Variants in TMEM87B observed in about 807,000 individuals in gnomAD.
The protein encoded by TMEM87B is transmembrane protein 87B.
TMEM87B carries 83 observed loss-of-function variants against 80.3 expected under a neutral mutation model. The observed-to-expected ratio is 1.03, with a 90% CI of 0.87 to 1.24. TMEM87B has a LOEUF of 1.24. Among genes scored for constraint, TMEM87B ranks in the 50% most tolerant of loss-of-function variants. TMEM87B has a pLI of 0.00. For missense variants in TMEM87B, 625 were observed against 674.4 expected (o/e 0.93, Z 0.81); for synonymous variants, 219 against 230.5 (o/e 0.95, Z 0.45).
intron 5 of TMEM87B, 129 bp downstream of exon 5, chr2:112,075,091 A>C: frequency 7.3e-7 from 1 of 1,378,442 alleles, no homozygotes. Flanking sequence ...AGGAAAAGGA[A>C]ACATTATTTA....
chr2:112,099,538 A>G (rs995906488), intron 14 of TMEM87B, among the ~76,000 whole-genome samples: 3 of 105,878 alleles, frequency 2.8e-5, no homozygotes, highest in African/African-American at 1.3e-4. Flanking sequence ...ATATATATAT[A>G]TATATATATA....
chr2:112,096,065 C>T (rs1382054383), intron 11 of TMEM87B, among the ~76,000 whole-genome samples: 2 of 151,736 alleles, frequency 1.3e-5, no homozygotes, highest in South Asian at 2.1e-4. Context: ...CCTCAGAGAA[C>T]CCCCTTCCCC....
At position 112,095,024 on chromosome 2, in the gene TMEM87B, C is replaced by T. The variant is rs1215732242; in HGVS notation, c.1105-2020C>T. Among the ~76,000 whole-genome samples, 2 of 151,728 alleles carry T rather than the reference C, an allele frequency of 1.3e-5. 1 individual carries two copies. The highest frequency in any genetic ancestry group is 2.9e-5 in the Non-Finnish European group (2 of 67,944). On this transcript the variant is annotated intron_variant, in intron 11 of 18. Coordinates refer to ENST00000283206, the MANE Select transcript of TMEM87B (RefSeq NM_032824.3). Reference sequence around the variant, plus strand: ...TGATGAACTTAATATAACCAATCCTCTAAGAATCTAATTCTAAAGTCATAG... The same window carrying T: ...TGATGAACTTAATATAACCAATCCTTTAAGAATCTAATTCTAAAGTCATAG...
chr2:112,077,363 C>G (rs1477943599), intron 6 of TMEM87B, 81 bp downstream of exon 6: 4 of 639,252 alleles, frequency 6.3e-6, no homozygotes, highest in Non-Finnish European at 5.3e-6. Context: ...TCAACATTCT[C>G]TGTTTCAAAT....
intron 15 of TMEM87B, among the ~76,000 whole-genome samples, chr2:112,101,363 A>G (rs896333747): frequency 6.6e-5 from 10 of 152,218 alleles, no homozygotes; most frequent in Non-Finnish European, 1.3e-4. Flanking sequence ...AAAAGTAATT[A>G]CTTTGAAAAG....
intron 3 of TMEM87B, among the ~76,000 whole-genome samples, chr2:112,065,464 G>A (rs758303057): frequency 2.6e-5 from 4 of 151,962 alleles, no homozygotes; most frequent in African/African-American, 9.7e-5. Flanking sequence ...TGGGCAACAA[G>A]TGAGACCCTG....
intron 1 of TMEM87B, 59 bp from the exon 2 acceptor site, chr2:112,059,917 TA>T: frequency 6.4e-7 from 1 of 1,567,208 alleles, no homozygotes; most frequent in Non-Finnish European, 8.7e-7. Flanking sequence ...TGTTGTGGGG[TA>T]AAACAGTTGC....
chr2:112,100,727 T>A (rs370317699), intron 15 of TMEM87B, 32 bp downstream of exon 15: 1 of 1,355,532 alleles, frequency 7.4e-7, no homozygotes, highest in Non-Finnish European at 1.0e-6. Flanking sequence ...TAAATGACCA[T>A]TGTACATATT....
chr2:112,107,203 C>G (rs1371254665), intron 16 of TMEM87B, among the ~76,000 whole-genome samples: 7 of 151,832 alleles, frequency 4.6e-5, no homozygotes, highest in African/African-American at 1.7e-4. Context: ...ACTAAAATTA[C>G]AAAAAGTAGG....
chr2:112,100,796 A>G (rs1014767706), intron 15 of TMEM87B, 101 bp downstream of exon 15: 6 of 651,516 alleles, frequency 9.2e-6, no homozygotes, highest in South Asian at 3.5e-5. Context: ...GTTTTTTTCT[A>G]TAAAATATTT....
intron 1 of TMEM87B, among the ~76,000 whole-genome samples, chr2:112,058,289 TGAGCCTGAGGCCA>T (rs1250741743): frequency 6.6e-6 from 1 of 152,174 alleles, no homozygotes; most frequent in African/African-American, 2.4e-5. Flanking sequence ...AGCTTGGCCT[TGAGCCTGAGGCCA>T]GAGGCCTCAA....
At chr2:112,074,060 G>A (rs531542042) in intron 4 of TMEM87B, among the ~76,000 whole-genome samples, 1 of 152,156 alleles carries the variant, frequency 6.6e-6, no homozygotes, top group African/African-American at 2.4e-5. Context: ...TTGACATTCT[G>A]TGCCTTTTAA....
chr2:112,097,519 G>T (rs1679506691), intron 13 of TMEM87B, among the ~76,000 whole-genome samples: 1 of 152,022 alleles, frequency 6.6e-6, no homozygotes, highest in South Asian at 2.1e-4. Context: ...GAGGTCAGGA[G>T]ATCGAGACCA....
chr2:112,084,862 A>G (rs1679098507), intron 8 of TMEM87B, among the ~76,000 whole-genome samples: 1 of 152,228 alleles, frequency 6.6e-6, no homozygotes. Flanking sequence ...TCTTGATAAA[A>G]TAAAGCCATC....
chr2:112,081,088 T>C lies in TMEM87B; in HGVS notation c.624T>C (p.Tyr208=), dbSNP rs1678981665. 6.2e-7 allele frequency: 1 copy of C among 1,612,912 alleles called. No homozygotes were observed. Among genetic ancestry groups the C allele is most frequent in the South Asian group, 1.1e-5 (1 of 91,050 alleles). Residue 208 remains tyrosine, a synonymous_variant, in exon 7 of 19, where the codon TAT becomes TAC. Transcript: ENST00000283206. Reference sequence around the variant, plus strand: ...TTTCTATGATTGGGCCTCATGGATATATCTCTGCATCAGATTGGCCCCTAA... The same window carrying C: ...TTTCTATGATTGGGCCTCATGGATACATCTCTGCATCAGATTGGCCCCTAA... ...VSLSMIGPHG[Y]ISASDWPLMI...
intron 4 of TMEM87B, among the ~76,000 whole-genome samples, chr2:112,069,922 A>G (rs1282141662): frequency 1.3e-5 from 2 of 152,220 alleles, no homozygotes; most frequent in Admixed American, 1.3e-4. Flanking sequence ...TCTGATGATC[A>G]GTGATATTGA....
Position 112,080,149 on chromosome 2 carries a change from G to A in TMEM87B, c.593-908G>A, listed in dbSNP as rs188331438. Reference sequence around the variant, plus strand: ...TCACCATGTTGGTCAGGCTGGTCTCGATCCCCTGACCTTAAGTGATCTGCC... The same window carrying A: ...TCACCATGTTGGTCAGGCTGGTCTCAATCCCCTGACCTTAAGTGATCTGCC... On this transcript the variant is annotated intron_variant, in intron 6 of 18. Coordinates refer to ENST00000283206, the MANE Select transcript of TMEM87B (RefSeq NM_032824.3). Among the ~76,000 whole-genome samples, 492 of 151,864 alleles carry A rather than the reference G, an allele frequency of 3.2e-3. 4 individuals carry two copies. Among genetic ancestry groups the A allele is most frequent in the African/African-American group, 0.011 (466 of 41,420 alleles).
intron 2 of TMEM87B, among the ~76,000 whole-genome samples, chr2:112,062,186 A>G (rs1252115381): frequency 6.6e-6 from 1 of 152,244 alleles, no homozygotes; most frequent in Non-Finnish European, 1.5e-5. Flanking sequence ...CTGTGTTTTC[A>G]CAGAGCCAGA....
intron 4 of TMEM87B, among the ~76,000 whole-genome samples, chr2:112,068,914 C>T (rs180793111): frequency 0.016 from 2,484 of 152,050 alleles, 30 homozygotes; most frequent in Middle Eastern, 0.051. Context: ...TCATGTAGGC[C>T]GGGCGCGGTG....
Sources: allele counts gnomAD v4.1 joint callset (sites outside exome capture counted in the v4.1 genomes callset), GRCh38; gene constraint gnomAD v4.1.1; transcripts MANE v1.5; gene names NCBI Gene and HGNC (gene_info 2026-07-23, HGNC 2026-07-21).